GRIN2D: variants seen among roughly 807,000 people sequenced by gnomAD.
GRIN2D encodes the protein glutamate receptor ionotropic, NMDA 2D.
GRIN2D carries 37 observed loss-of-function variants against 103.2 expected under a neutral mutation model. The ratio of observed to expected loss-of-function variants is 0.36; its 90% CI spans 0.28 to 0.47. The LOEUF (loss-of-function observed/expected upper bound fraction) is 0.47, where lower values mean the gene tolerates loss of function less well. Among genes scored for constraint, GRIN2D ranks in the 20% least tolerant of loss-of-function variants. The probability of loss-of-function intolerance (pLI) is 1.00; values close to 1 mark genes in which losing one functional copy is unlikely to be tolerated. For missense variants in GRIN2D, 1,557 were observed against 1,910.6 expected, an observed-to-expected ratio of 0.81 and a Z score of 3.45; for synonymous variants, 845 against 885.6, an observed-to-expected ratio of 0.95 and a Z score of 0.81.
chr19:48,405,338 G>C lies in GRIN2D; in HGVS notation c.1070G>C (p.Gly357Ala). 1 of 1,586,564 alleles carries C rather than the reference G, an allele frequency of 6.3e-7. No homozygotes were observed. Among genetic ancestry groups the C allele is most frequent in the Non-Finnish European group, 8.6e-7 (1 of 1,167,190 alleles). Residue 357 changes from glycine (G) to alanine (A), a missense_variant, in exon 4 of 14, where the codon GGC (glycine) becomes GCC (alanine). Physicochemically the swap from Gly to Ala is moderately conservative, Grantham distance 60. Transcript: ENST00000263269. This position sits in a 1 kb window ranked among gnomAD's most constrained non-coding sequence, Gnocchi z 5.1. ...DCRAQNRTHR[G>A]ESLHRYFMNI... ...CGCGCCCAGAACCGCACCCACCGCGGCGAGAGTCTGCATAGGTGAGTGGGG... is the reference window on the plus strand; with the variant it reads ...CGCGCCCAGAACCGCACCCACCGCGCCGAGAGTCTGCATAGGTGAGTGGGG...
rs906797788 is a variant in GRIN2D, at chr19:48,398,610, T to TGGC, written c.227_229dup (p.Ala76dup). 2.4e-6 allele frequency: 3 copies of TGGC among 1,244,592 alleles called. No individual in the cohort carries two copies. The highest frequency in any genetic ancestry group is 3.2e-5 in the African/African-American group (2 of 63,346). The allele number at this position is 1,244,592 out of a possible 1,614,324, so 77.1% of individuals were successfully genotyped here. On this transcript the variant is annotated inframe_insertion, in exon 3 of 14. Transcript: ENST00000263269. ...GAGGCGGCACGCCTGGGCCCGGCCG[T>TGGC]GGCGGCGGCGGTGCGCAGCCCGGGC... is the stretch of plus-strand genomic sequence containing the variant.
intron 3 of GRIN2D, among the ~76,000 whole-genome samples, chr19:48,401,173 T>C (rs941975565): frequency 3.3e-5 from 5 of 152,042 alleles, no homozygotes; most frequent in African/African-American, 1.2e-4. Context: ...GCCCACTTGC[T>C]GTTCTCATTG....
At position 48,394,700 on chromosome 19, in the gene GRIN2D, C is replaced by A. The variant is rs943946315; in HGVS notation, c.-263C>A. ...CGTCCTCGCCTAGTCCAGGTGGCCG[C>A]AACCTTGGGGGAGAGACAGGGCAGG... On this transcript the variant is annotated 5_prime_UTR_variant, in exon 2 of 14. Transcript: ENST00000263269. This position sits in a 1 kb window ranked among gnomAD's most constrained non-coding sequence, Gnocchi z 5.1. 1.3e-5 allele frequency among the ~76,000 whole-genome samples: 2 copies of A among 152,150 alleles called. No homozygotes were observed. The highest frequency in any genetic ancestry group is 2.9e-5 in the Non-Finnish European group (2 of 68,022).
intron 2 of GRIN2D, among the ~76,000 whole-genome samples, chr19:48,397,314 T>C (rs1028344796): frequency 1.3e-5 from 2 of 151,764 alleles, no homozygotes; most frequent in African/African-American, 4.8e-5. Context: ...ACCTGACCCC[T>C]TTTCCCTCTC....
chr19:48,402,150 A>G (rs1030371415), intron 3 of GRIN2D, among the ~76,000 whole-genome samples: 1 of 139,270 alleles, frequency 7.2e-6, no homozygotes. Flanking sequence ...GAAAGAAAGA[A>G]AGAAAGAAAG....
At position 48,443,176 on chromosome 19, in the gene GRIN2D, G is replaced by A. The variant is rs1340140743; in HGVS notation, c.3250G>A (p.Gly1084Ser). The A allele has an allele frequency of 1.2e-5, 13 of 1,067,312 alleles. No individual in the cohort carries two copies. Among genetic ancestry groups the A allele is most frequent in the South Asian group, 4.3e-5 (1 of 23,054 alleles). The allele number at this position is 1,067,312 out of a possible 1,614,324, so 66.1% of individuals were successfully genotyped here. A position where few individuals can be genotyped will look rare whatever the true frequency, so the allele number is the denominator to read the frequency against. The change falls in exon 14 of 14, where the codon GGC (glycine) becomes AGC (serine). Residue 1084 changes from glycine to serine, a missense_variant. Coordinates refer to ENST00000263269, the MANE Select transcript of GRIN2D (RefSeq NM_000836.4). This position sits in a 1 kb window ranked among gnomAD's most constrained non-coding sequence, Gnocchi z 8.9. ...CGCGGGCGGCGCGGGGGGCACGGGG[G>A]GCGCAGGCGGAGGAGCCCCGGCCGC... ...PGAGGAGGTG[G>S]AGGGAPAAPP...
At chr19:48,427,560 A>G (rs1164557618) in intron 11 of GRIN2D, among the ~76,000 whole-genome samples, 1 of 138,608 alleles carries the variant, frequency 7.2e-6, no homozygotes, top group African/African-American at 2.7e-5. Context: ...GCTCACTACA[A>G]CCTCCGCCTC....
rs561176735 is a variant in GRIN2D at position 48,405,682 on chromosome 19, C to T, written c.1085+329C>T. On this transcript the variant is annotated intron_variant, in intron 4 of 13. Transcript: ENST00000263269. This position sits in a 1 kb window ranked among gnomAD's most constrained non-coding sequence, Gnocchi z 5.1. ...AGCACTTTTGTCTTTCTTTGTGGTA[C>T]ATCTTATAATTGAGAGCATTTTAGA... 6.6e-6 allele frequency among the ~76,000 whole-genome samples: 1 copy of T among 152,286 alleles called. No homozygotes were observed. Among genetic ancestry groups the T allele is most frequent in the Admixed American group, 6.5e-5 (1 of 15,280 alleles).
chr19:48,414,631 G>T lies in GRIN2D; in HGVS notation c.1412+47G>T. ...GTTCCGGCTCCAAAACCCGCCTCCC[G>T]TGAAGCCCAGTAGTCTGGGCCCCCA... On this transcript the variant is annotated intron_variant, in intron 6 of 13. Transcript: ENST00000263269. This position sits in a 1 kb window ranked among gnomAD's most constrained non-coding sequence, Gnocchi z 4.6. 6.6e-7 allele frequency: 1 copy of T among 1,506,640 alleles called. No individual in the cohort carries two copies. 93.3% of individuals were successfully genotyped at this position (1,506,640 alleles called of 1,614,324 possible). A position where few individuals can be genotyped will look rare whatever the true frequency, so the allele number is the denominator to read the frequency against.
At chr19:48,439,214 C>T (rs1971264420) in intron 11 of GRIN2D, among the ~76,000 whole-genome samples, 1 of 150,116 alleles carries the variant, frequency 6.7e-6, no homozygotes, top group African/African-American at 2.4e-5. Context: ...CAGAGTGAGA[C>T]CCCATCTCTA....
chr19:48,415,710 T>C (rs541855685), intron 7 of GRIN2D, among the ~76,000 whole-genome samples: 1 of 148,998 alleles, frequency 6.7e-6, no homozygotes, highest in Non-Finnish European at 1.5e-5. Context: ...AGGGTGAGAA[T>C]CTAGGGGAAG....
chr19:48,440,363 C>T (rs1329106424), intron 11 of GRIN2D, among the ~76,000 whole-genome samples: 11 of 151,884 alleles, frequency 7.2e-5, no homozygotes, highest in Admixed American at 1.3e-4. Flanking sequence ...GTGGCCAAGG[C>T]GGGAAGATCA....
chr19:48,421,148 T>G lies in GRIN2D; in HGVS notation c.2092-637T>G, dbSNP rs276706. Among the ~76,000 whole-genome samples, 87,334 of 152,064 alleles carry G rather than the reference T, an allele frequency of 0.57. 26,545 individuals are homozygous for G. The highest frequency in any genetic ancestry group is 0.85 in the East Asian group (4,377 of 5,170). Reference sequence around the variant, plus strand: ...GGTTTTACAAAACTTGTTTTAGTTGTCTGGGCGCGGTGGCTTATGCCTGTA... The same window carrying G: ...GGTTTTACAAAACTTGTTTTAGTTGGCTGGGCGCGGTGGCTTATGCCTGTA... On this transcript the variant is annotated intron_variant, in intron 10 of 13. Transcript: ENST00000263269. The surrounding 1 kb of genome is among the most constrained non-coding windows in gnomAD (Gnocchi z 4.8).
Position 48,421,623 on chromosome 19 carries a change from G to C in GRIN2D, c.2092-162G>C, listed in dbSNP as rs1417651172. ...GTCTGCAACCGTGTGTGCTGGGTGG[G>C]AGTGGAAAAGCATTCCCTAATGTAG... On this transcript the variant is annotated intron_variant, in intron 10 of 13. Coordinates refer to ENST00000263269, the MANE Select transcript of GRIN2D (RefSeq NM_000836.4). The surrounding 1 kb of genome is among the most constrained non-coding windows in gnomAD (Gnocchi z 4.8). 6.6e-6 allele frequency among the ~76,000 whole-genome samples: 1 copy of C among 152,194 alleles called. No homozygotes were observed. The highest frequency in any genetic ancestry group is 1.5e-5 in the Non-Finnish European group (1 of 68,042).
Position 48,415,007 on chromosome 19 carries a change from G to A in GRIN2D, c.1556G>A (p.Gly519Asp). 1 of 1,603,822 alleles carries A rather than the reference G, an allele frequency of 6.2e-7. No homozygotes were observed. The highest frequency in any genetic ancestry group is 8.5e-7 in the Non-Finnish European group (1 of 1,172,790). Residue 519 changes from glycine to aspartate, a missense_variant, in exon 7 of 14, where the codon GGC (glycine) becomes GAC (aspartate). Physicochemically the swap from Gly to Asp is moderately conservative, Grantham distance 94. Coordinates refer to ENST00000263269, the MANE Select transcript of GRIN2D (RefSeq NM_000836.4). ...GGCAAGCACGGAAAGAAGATCGATG[G>A]CGTCTGGAACGGCATGATCGGGGAG... is the stretch of plus-strand genomic sequence containing the variant. The part of the protein sequence containing the change: ...TNGKHGKKID[G>D]VWNGMIGEVF...
chr19:48,414,632 T>C lies in GRIN2D; in HGVS notation c.1412+48T>C. On this transcript the variant is annotated intron_variant, in intron 6 of 13. Transcript: ENST00000263269. The surrounding 1 kb of genome is among the most constrained non-coding windows in gnomAD (Gnocchi z 4.6). Reference sequence around the variant, plus strand: ...TTCCGGCTCCAAAACCCGCCTCCCGTGAAGCCCAGTAGTCTGGGCCCCCAG... The same window carrying C: ...TTCCGGCTCCAAAACCCGCCTCCCGCGAAGCCCAGTAGTCTGGGCCCCCAG... The C allele has an allele frequency of 6.6e-7, 1 of 1,509,334 alleles. No homozygotes were observed. Among genetic ancestry groups the C allele is most frequent in the South Asian group, 1.2e-5 (1 of 83,266 alleles). The allele number at this position is 1,509,334 out of a possible 1,614,324, so 93.5% of individuals were successfully genotyped here. A position where few individuals can be genotyped will look rare whatever the true frequency, so the allele number is the denominator to read the frequency against.
intron 11 of GRIN2D, among the ~76,000 whole-genome samples, chr19:48,424,107 C>T (rs1971056510): frequency 6.6e-6 from 1 of 151,626 alleles, no homozygotes; most frequent in South Asian, 2.1e-4. Context: ...GCGTGAGCCA[C>T]CATGCCTGGC....
chr19:48,405,493 G>C lies in GRIN2D; in HGVS notation c.1085+140G>C. ...CTTTTCTGTAAAGTGGGTGCAATTG[G>C]GTCTCTTTTCTGAGGTTAAATCAAG... On this transcript the variant is annotated intron_variant, in intron 4 of 13. Coordinates refer to ENST00000263269, the MANE Select transcript of GRIN2D (RefSeq NM_000836.4). The surrounding 1 kb of genome is among the most constrained non-coding windows in gnomAD (Gnocchi z 5.1). The C allele has an allele frequency of 1.2e-6, 1 of 858,644 alleles. No homozygotes were observed. Among genetic ancestry groups the C allele is most frequent in the East Asian group, 2.9e-5 (1 of 34,622 alleles). 53.2% of individuals were successfully genotyped at this position (858,644 alleles called of 1,614,324 possible).
intron 4 of GRIN2D, among the ~76,000 whole-genome samples, chr19:48,406,237 A>G (rs1213289676): frequency 6.6e-6 from 1 of 152,212 alleles, no homozygotes; most frequent in Non-Finnish European, 1.5e-5. Flanking sequence ...CGATTGCTAC[A>G]TATTTTGAAT....
Sources: allele counts gnomAD v4.1 joint callset (sites outside exome capture counted in the v4.1 genomes callset), GRCh38; gene constraint gnomAD v4.1.1; non-coding constraint Gnocchi (gnomAD v3.1); transcripts MANE v1.5; gene names NCBI Gene and HGNC (gene_info 2026-07-23, HGNC 2026-07-21).